The following TESPA1 variants were observed in gnomAD, a reference collection of about 807,000 sequenced individuals.
The protein encoded by TESPA1 is protein TESPA1.
Under a neutral mutation model 57.9 loss-of-function variants are expected in TESPA1, and 33 were observed. The ratio of observed to expected loss-of-function variants is 0.57; its 90% CI spans 0.43 to 0.76. TESPA1 has a LOEUF of 0.76. TESPA1 is among the 30% of genes least tolerant of loss of function. The pLI is 0.00. For synonymous variants in TESPA1, 227 were observed against 228.9 expected (o/e 0.99, Z 0.07); for missense variants, 618 against 632.9 (o/e 0.98, Z 0.25).
intron 10 of TESPA1, among the ~76,000 whole-genome samples, chr12:54,960,584 G>A (rs1281453979): frequency 6.6e-6 from 1 of 152,180 alleles, no homozygotes; most frequent in Admixed American, 6.5e-5. Flanking sequence ...GTCCTCACCT[G>A]TTACAAAACT....
intron 10 of TESPA1, among the ~76,000 whole-genome samples, chr12:54,957,686 A>G (rs754425504): frequency 1.5e-4 from 23 of 152,376 alleles, no homozygotes; most frequent in Non-Finnish European, 2.9e-4. Flanking sequence ...TCAGGAAAGA[A>G]GAGATCTCTT....
chr12:54,964,517 G>A (rs567172654), intron 7 of TESPA1, among the ~76,000 whole-genome samples: 26 of 152,306 alleles, frequency 1.7e-4, no homozygotes, highest in African/African-American at 4.6e-4. Context: ...AGAAGATCCC[G>A]TGCACGCACT....
chr12:54,975,143 A>C (rs1952075992), intron 1 of TESPA1, among the ~76,000 whole-genome samples: 1 of 151,770 alleles, frequency 6.6e-6, no homozygotes, highest in Non-Finnish European at 1.5e-5. Flanking sequence ...TTGTTTGTTT[A>C]GTTTTTGTCT....
intron 2 of TESPA1, 64 bp from the exon 3 acceptor site, chr12:54,973,583 T>G: frequency 4.3e-6 from 7 of 1,612,688 alleles, no homozygotes; most frequent in Non-Finnish European, 5.9e-6. Context: ...TCCCTGCAAC[T>G]AATTCCATTC....
At position 54,963,979 on chromosome 12, in the gene TESPA1, G is replaced by A. The variant is rs1430877634; in HGVS notation, c.447-29C>T. The A allele has an allele frequency of 2.5e-6, 4 of 1,602,720 alleles. No individual in the cohort carries two copies. The Admixed American group carries it at 6.7e-5, about 27-fold the overall frequency. On this transcript the variant is annotated intron_variant, in intron 7 of 10. Transcript: ENST00000449076. Reference sequence around the variant, plus strand: ...AAATGAGGGAGTTTGGGTAAATAAGGGACAACTTTGAGACACATGGTAATT... The same window carrying A: ...AAATGAGGGAGTTTGGGTAAATAAGAGACAACTTTGAGACACATGGTAATT...
chr12:54,973,488 C>A lies in TESPA1; in HGVS notation c.195G>T (p.Leu65=), dbSNP rs753241432. ...TGTCCAGCACTTACCCGCAATCCTG[C>A]AGCCAGTCTTCAATTTTATTGATTG... ...GNPINKIEDW[L]QDCGYSEEGF... The change falls in exon 3 of 11, where the codon CTG becomes CTT. Residue 65 remains leucine (L), a synonymous_variant. Coordinates refer to ENST00000449076, the MANE Select transcript of TESPA1 (RefSeq NM_001136030.3). 1 of 1,613,992 alleles carries A rather than the reference C, an allele frequency of 6.2e-7. No homozygotes were observed. Among genetic ancestry groups the A allele is most frequent in the Non-Finnish European group, 8.5e-7 (1 of 1,179,878 alleles).
chr12:54,959,590 G>A (rs1013542445), intron 10 of TESPA1, among the ~76,000 whole-genome samples: 1 of 152,118 alleles, frequency 6.6e-6, no homozygotes, highest in African/African-American at 2.4e-5. Context: ...GTTATTGTCC[G>A]GGTTCTCTAC....
At chr12:54,973,581 A>G in intron 2 of TESPA1, 62 bp from the exon 3 acceptor site, 4 of 1,612,780 alleles carry the variant, frequency 2.5e-6, no homozygotes, top group Non-Finnish European at 3.4e-6. Context: ...CCTCCCTGCA[A>G]CTAATTCCAT....
intron 1 of TESPA1, among the ~76,000 whole-genome samples, chr12:54,978,393 A>G (rs548878741): frequency 2.6e-5 from 4 of 152,166 alleles, no homozygotes; most frequent in Non-Finnish European, 5.9e-5. Context: ...TGTTGTGTAA[A>G]TTTACTTCCA....
intron 1 of TESPA1, among the ~76,000 whole-genome samples, chr12:54,976,850 C>T (rs529134561): frequency 5.9e-5 from 9 of 152,232 alleles, no homozygotes; most frequent in East Asian, 3.9e-4. Context: ...AAAAATATAT[C>T]GCAATAATAT....
intron 8 of TESPA1, among the ~76,000 whole-genome samples, chr12:54,963,465 G>C (rs75045906): frequency 0.01 from 1,545 of 152,248 alleles, 26 homozygotes; most frequent in African/African-American, 0.036. Context: ...AAAAAAGAGG[G>C]ATAAGATTTA....
In TESPA1 at chr12:54,969,045, A is replaced by ATG. The variant is rs112377819; in HGVS notation, c.207-1155_207-1154dup. Among the ~76,000 whole-genome samples the ATG allele has an allele frequency of 5.4e-4, 62 of 115,824 alleles. 1 individual carries two copies. The highest frequency in any genetic ancestry group is 1.3e-3 in the East Asian group (1 of 784). The allele number at this position is 115,824 out of a possible 152,430, so 76.0% of individuals were successfully genotyped here. ...TGTATATATATATATATATATATAT[A>ATG]TGTGTGTGTGTAGATAGATAGATAT... On this transcript the variant is annotated intron_variant, in intron 3 of 10. Transcript: ENST00000449076.
intron 7 of TESPA1, 114 bp from the exon 8 acceptor site, chr12:54,964,064 C>G: frequency 9.1e-7 from 1 of 1,101,752 alleles, no homozygotes; most frequent in Non-Finnish European, 1.3e-6. Context: ...CTGTCCATTT[C>G]TCTACTTTTC....
chr12:54,957,554 G>T (rs1950808811), intron 10 of TESPA1, among the ~76,000 whole-genome samples: 1 of 152,156 alleles, frequency 6.6e-6, no homozygotes, highest in South Asian at 2.1e-4. Context: ...TTCTTAAAGG[G>T]TAATAGAGGA....
In TESPA1 at chr12:54,963,836, G is replaced by A; in HGVS notation, c.561C>T (p.Thr187=). 6.2e-7 allele frequency: 1 copy of A among 1,613,958 alleles called. No homozygotes were observed. Among genetic ancestry groups the A allele is most frequent in the African/African-American group, 1.3e-5 (1 of 75,040 alleles). ...CAATGCCCTTGGCCTGAGAGGGGGT[G>A]GTGAAAAATCGGGCGGGTATCCGAG... ...DTSRIPARFF[T]TPSQAKGIDF... Residue 187 remains threonine, a synonymous_variant, in exon 8 of 11, where the codon ACC becomes ACT. Coordinates refer to ENST00000449076, the MANE Select transcript of TESPA1 (RefSeq NM_001136030.3).
chr12:54,963,906 A>G lies in TESPA1; in HGVS notation c.491T>C (p.Val164Ala), dbSNP rs1951247701. 6.2e-7 allele frequency: 1 copy of G among 1,614,046 alleles called. No homozygotes were observed. The highest frequency in any genetic ancestry group is 2.2e-5 in the East Asian group (1 of 44,888). The change falls in exon 8 of 11, where the codon GTC (valine) becomes GCC (alanine). Residue 164 changes from valine (V) to alanine (A), a missense_variant. By Grantham distance (64) the Val-to-Ala change is moderately conservative. This residue lies in a region of TESPA1 where 10 missense variants were observed against 28.8 expected (regional missense o/e 0.35). Coordinates refer to ENST00000449076, the MANE Select transcript of TESPA1 (RefSeq NM_001136030.3). ...TTGGCCAAAGCCCAGACTGAAGAGG[A>G]CATCTTCTGCATCTTCTTGCACTTT... ...LDKVQEDAEDVLFSLGFGQED... is the reference protein window; with the variant it reads ...LDKVQEDAEDALFSLGFGQED...
chr12:54,963,846 C>T lies in TESPA1; in HGVS notation c.551G>A (p.Arg184Gln), dbSNP rs751647202. The T allele has an allele frequency of 6.2e-6, 10 of 1,613,850 alleles. No homozygotes were observed. Among genetic ancestry groups the T allele is most frequent in the South Asian group, 2.2e-5 (2 of 91,084 alleles). The change falls in exon 8 of 11, where the codon CGA (arginine) becomes CAA (glutamine). Residue 184 changes from arginine to glutamine, a missense_variant. This residue lies in a region of TESPA1 where 409 missense variants were observed against 420.1 expected (regional missense o/e 0.97). Transcript: ENST00000449076. Reference protein sequence around the residue: ...DHKDTSRIPARFFTTPSQAKG... With the variant: ...DHKDTSRIPAQFFTTPSQAKG... ...GGCCTGAGAGGGGGTGGTGAAAAAT[C>T]GGGCGGGTATCCGAGAAGTGTCTTT...
rs374059255 is a variant in TESPA1 at position 54,963,107 on chromosome 12, A to C, written c.791T>G (p.Val264Gly). ...TCGGGACAGAATCCTGATGGATGGC[A>C]CATCAGTTGGATGGTTGCAATTCCA... ...MFWNCNHPTD[V>G]PSIRILSREP... The change falls in exon 9 of 11, where the codon GTG becomes GGG. Residue 264 changes from valine (V) to glycine (G), a missense_variant. Val to Gly is a moderately radical substitution (Grantham distance 109). Around this residue, in one of 3 missense-constraint regions of TESPA1, gnomAD observed 409 missense variants for 420.1 expected, o/e 0.97. Transcript: ENST00000449076. The C allele has an allele frequency of 1.9e-6, 3 of 1,613,958 alleles. No individual in the cohort carries two copies. The highest frequency in any genetic ancestry group is 1.7e-6 in the Non-Finnish European group (2 of 1,179,880).
intron 10 of TESPA1, among the ~76,000 whole-genome samples, chr12:54,959,013 G>GT: frequency 6.6e-6 from 1 of 152,098 alleles, no homozygotes; most frequent in Non-Finnish European, 1.5e-5. Flanking sequence ...CGTTTTCTCT[G>GT]TTTCTTCAAC....
Sources: allele counts gnomAD v4.1 joint callset (sites outside exome capture counted in the v4.1 genomes callset), GRCh38; gene constraint gnomAD v4.1.1; regional missense constraint gnomAD v4.1.1; transcripts MANE v1.5; gene names NCBI Gene and HGNC (gene_info 2026-07-23, HGNC 2026-07-21).